CEACAM6: variants seen among roughly 807,000 people sequenced by gnomAD.
CEACAM6 encodes the protein cell adhesion molecule CEACAM6.
A neutral mutation model predicts 32.4 loss-of-function variants in CEACAM6; 21 were observed. The ratio of observed to expected loss-of-function variants is 0.65; its 90% confidence interval spans 0.46 to 0.93. The LOEUF (loss-of-function observed/expected upper bound fraction) is 0.93. CEACAM6 is among the 40% of genes least tolerant of loss of function. The probability of loss-of-function intolerance (pLI) is 0.00; values close to 1 mark genes in which losing one functional copy is unlikely to be tolerated. For synonymous variants in CEACAM6, 184 were observed against 174.4 expected, an observed-to-expected ratio of 1.06 and a Z score of -0.43; for missense variants, 406 against 432.2, an observed-to-expected ratio of 0.94 and a Z score of 0.54.
At chr19:41,760,182 A>T (rs367790976) in intron 2 of CEACAM6, among the ~76,000 whole-genome samples, 2 of 152,282 alleles carry the variant, frequency 1.3e-5, no homozygotes, top group African/African-American at 4.8e-5. Flanking sequence ...TGCCTCTCCC[A>T]ATCCCTGGCA....
intron 2 of CEACAM6, among the ~76,000 whole-genome samples, chr19:41,760,439 C>A (rs2122915434): frequency 6.6e-6 from 1 of 152,326 alleles, no homozygotes; most frequent in East Asian, 1.9e-4. Flanking sequence ...TTGCAAACAT[C>A]CACATGTGTT....
At position 41,761,374 on chromosome 19, in the gene CEACAM6, A is replaced by G. The variant is rs1555821843; in HGVS notation, c.550A>G (p.Ser184Gly). ...TTYLWWVNGQ[S>G]LPVSPRLQLS... ...CTACCTGTGGTGGGTAAATGGTCAGAGCCTCCCGGTCAGTCCCAGGCTGCA... is the reference window on the plus strand; with the variant it reads ...CTACCTGTGGTGGGTAAATGGTCAGGGCCTCCCGGTCAGTCCCAGGCTGCA... The change falls in exon 3 of 6, where the codon AGC becomes GGC. Residue 184 changes from serine (S) to glycine (G), a missense_variant. Coordinates refer to ENST00000199764, the MANE Select transcript of CEACAM6 (RefSeq NM_002483.7). 1 of 1,614,182 alleles carries G rather than the reference A, an allele frequency of 6.2e-7. No homozygotes were observed. Among genetic ancestry groups the G allele is most frequent in the Non-Finnish European group, 8.5e-7 (1 of 1,180,022 alleles).
intron 3 of CEACAM6, 34 bp from the exon 4 acceptor site, chr19:41,761,935 A>C (rs2122920415): frequency 6.2e-7 from 1 of 1,611,396 alleles, no homozygotes; most frequent in Non-Finnish European, 8.5e-7. Context: ...TCCCTCTGAC[A>C]ACATCACCTG....
At chr19:41,760,757 G>A (rs1164556882) in intron 2 of CEACAM6, among the ~76,000 whole-genome samples, 2 of 152,188 alleles carry the variant, frequency 1.3e-5, no homozygotes, top group Non-Finnish European at 2.9e-5. Flanking sequence ...TCCCAGGCCA[G>A]GCTGCACAGT....
intron 5 of CEACAM6, among the ~76,000 whole-genome samples, chr19:41,767,366 G>A (rs62117370): frequency 0.032 from 4,909 of 152,158 alleles, 128 homozygotes; most frequent in Middle Eastern, 0.071. Flanking sequence ...ACCTTTTCCT[G>A]ACAATCAATT....
At chr19:41,767,176 G>A (rs1201748939) in intron 5 of CEACAM6, among the ~76,000 whole-genome samples, 2 of 151,884 alleles carry the variant, frequency 1.3e-5, no homozygotes, top group East Asian at 3.9e-4. Context: ...CCTTTACCCC[G>A]GATGCACATA....
At chr19:41,768,121 T>C (rs2072967115) in intron 5 of CEACAM6, among the ~76,000 whole-genome samples, 1 of 152,062 alleles carries the variant, frequency 6.6e-6, no homozygotes, top group Non-Finnish European at 1.5e-5. Context: ...TTCTTGGGTG[T>C]TTCTCGCAGA....
intron 2 of CEACAM6, 102 bp downstream of exon 2, chr19:41,757,061 A>C: frequency 6.6e-7 from 1 of 1,519,230 alleles, no homozygotes; most frequent in African/African-American, 1.4e-5. Flanking sequence ...TCTGCATTAC[A>C]TCCTGTATCA....
chr19:41,760,079 T>C (rs2072913386), intron 2 of CEACAM6, among the ~76,000 whole-genome samples: 1 of 152,212 alleles, frequency 6.6e-6, no homozygotes, highest in Non-Finnish European at 1.5e-5. Context: ...ACTCAATCCG[T>C]ATGAACTATA....
chr19:41,769,494 T>A (rs782740607), intron 5 of CEACAM6, among the ~76,000 whole-genome samples: 1 of 152,120 alleles, frequency 6.6e-6, no homozygotes, highest in Non-Finnish European at 1.5e-5. Context: ...AAGATAATAA[T>A]GAAAATAATA....
intron 1 of CEACAM6, among the ~76,000 whole-genome samples, chr19:41,756,016 C>T (rs2072882903): frequency 6.6e-6 from 1 of 152,102 alleles, no homozygotes; most frequent in Non-Finnish European, 1.5e-5. Flanking sequence ...AACAAGGAAA[C>T]TAAATGCTGC....
intron 2 of CEACAM6, among the ~76,000 whole-genome samples, chr19:41,758,308 G>A (rs1171907418): frequency 6.6e-6 from 1 of 152,072 alleles, no homozygotes; most frequent in Non-Finnish European, 1.5e-5. Flanking sequence ...CACCAGCACA[G>A]GCCCAAAGTG....
intron 5 of CEACAM6, among the ~76,000 whole-genome samples, 158 bp from the exon 6 acceptor site, chr19:41,770,644 T>C (rs2072988701): frequency 6.6e-6 from 1 of 152,196 alleles, no homozygotes; most frequent in Non-Finnish European, 1.5e-5. Flanking sequence ...TCGATGAGAC[T>C]AAACTTATTT....
At chr19:41,762,380 CT>C (rs1404679353) in intron 4 of CEACAM6, among the ~76,000 whole-genome samples, 157 bp downstream of exon 4, 2 of 152,144 alleles carry the variant, frequency 1.3e-5, no homozygotes, top group Non-Finnish European at 2.9e-5. Context: ...TCTGCAGACT[CT>C]TTTCCCCTTG....
chr19:41,760,681 G>A (rs2122916158), intron 2 of CEACAM6, among the ~76,000 whole-genome samples: 1 of 152,292 alleles, frequency 6.6e-6, no homozygotes, highest in Middle Eastern at 3.4e-3. Context: ...TCCACTGCCT[G>A]ATGACCGAAC....
intron 1 of CEACAM6, 48 bp downstream of exon 1, chr19:41,755,750 AC>A: frequency 6.5e-7 from 1 of 1,528,122 alleles, no homozygotes; most frequent in Non-Finnish European, 8.9e-7. Context: ...GAGCACAGAG[AC>A]TGGCTAGGGT....
chr19:41,759,561 C>T (rs1400488331), intron 2 of CEACAM6, among the ~76,000 whole-genome samples: 2 of 152,168 alleles, frequency 1.3e-5, no homozygotes, highest in Non-Finnish European at 2.9e-5. Context: ...TCATATGCCT[C>T]TCTCTACTCA....
At chr19:41,763,762 C>T (rs8105477) in intron 4 of CEACAM6, among the ~76,000 whole-genome samples, 2 of 152,018 alleles carry the variant, frequency 1.3e-5, no homozygotes, top group Admixed American at 1.3e-4. Context: ...GTGCCACACA[C>T]GGCAATCTTC....
intron 4 of CEACAM6, among the ~76,000 whole-genome samples, chr19:41,763,116 G>A (rs1205022363): frequency 1.3e-5 from 2 of 152,162 alleles, no homozygotes; most frequent in African/African-American, 4.8e-5. Context: ...ATCTAATATA[G>A]GACTTACCTT....
Sources: allele counts gnomAD v4.1 joint callset (sites outside exome capture counted in the v4.1 genomes callset), GRCh38; gene constraint gnomAD v4.1.1; transcripts MANE v1.5; gene names NCBI Gene and HGNC (gene_info 2026-07-23, HGNC 2026-07-21).